Variants in DPY19L3 observed in about 807,000 individuals in gnomAD.
The protein encoded by DPY19L3 is protein C-mannosyl-transferase DPY19L3.
A neutral mutation model predicts 92.3 loss-of-function variants in DPY19L3; 51 were observed. That is an observed-to-expected ratio of 0.55 (90% CI 0.44 to 0.70). The LOEUF is 0.70. Ranked by LOEUF, DPY19L3 falls within the 30% of genes least tolerant of loss-of-function variation. DPY19L3 has a pLI of 0.00. For missense variants in DPY19L3, 706 were observed against 855.9 expected (o/e 0.82, Z 2.18); for synonymous variants, 309 against 315.2 (o/e 0.98, Z 0.21).
chr19:32,456,499 C>T (rs185802543), intron 10 of DPY19L3, among the ~76,000 whole-genome samples: 9 of 151,642 alleles, frequency 5.9e-5, no homozygotes, highest in Admixed American at 2.0e-4. Context: ...TACAGTGGCA[C>T]GATCTTGGCT....
At chr19:32,429,259 A>G (rs554232795) in intron 3 of DPY19L3, among the ~76,000 whole-genome samples, 1 of 152,338 alleles carries the variant, frequency 6.6e-6, no homozygotes, top group Admixed American at 6.5e-5. Flanking sequence ...AACCTGTGCA[A>G]ATTGAATATG....
intron 3 of DPY19L3, among the ~76,000 whole-genome samples, chr19:32,430,742 A>G (rs577212011): frequency 1.5e-3 from 223 of 150,292 alleles, no homozygotes; most frequent in African/African-American, 5.4e-3. Flanking sequence ...CCCCTTCCTC[A>G]ACCTCCCCAG....
rs1281567149 is a variant in DPY19L3, at chr19:32,441,653, A to AC, written c.855+1744dup. ...GCTGGGAATACAGGTGCATGCCACCACACCCGGCTAATATTTGTATTTTTA... is the reference window on the plus strand; with the variant it reads ...GCTGGGAATACAGGTGCATGCCACCACCACCCGGCTAATATTTGTATTTTTA... On this transcript the variant is annotated intron_variant, in intron 8 of 18. Transcript: ENST00000392250. Among the ~76,000 whole-genome samples the AC allele has an allele frequency of 3.3e-5, 5 of 152,058 alleles. No homozygotes were observed. The East Asian group carries it at 9.6e-4, about 29-fold the overall frequency.
At chr19:32,481,211 A>G (rs1206609124) in intron 18 of DPY19L3, 2 of 157,738 alleles carry the variant, frequency 1.3e-5, no homozygotes, top group Admixed American at 6.5e-5. Flanking sequence ...ATGAAAGCCA[A>G]TAGATATTTG....
chr19:32,424,961 G>A (rs1439368662), intron 3 of DPY19L3, among the ~76,000 whole-genome samples: 1 of 152,144 alleles, frequency 6.6e-6, no homozygotes, highest in Non-Finnish European at 1.5e-5. Flanking sequence ...AGGGCACCAG[G>A]AAGGACAGTT....
chr19:32,480,742 C>A, intron 18 of DPY19L3, 185 bp downstream of exon 18: 1 of 817,390 alleles, frequency 1.2e-6, no homozygotes, highest in Non-Finnish European at 1.9e-6. Flanking sequence ...GCCACCGGGG[C>A]TGGGCAAGGG....
At chr19:32,470,157 A>G (rs961896128) in intron 16 of DPY19L3, among the ~76,000 whole-genome samples, 12 of 152,232 alleles carry the variant, frequency 7.9e-5, no homozygotes, top group Non-Finnish European at 1.3e-4. Context: ...AATTTTTCAC[A>G]TATTTCTGGT....
At chr19:32,418,547 A>G (rs956609466) in intron 3 of DPY19L3, among the ~76,000 whole-genome samples, 12 of 152,202 alleles carry the variant, frequency 7.9e-5, no homozygotes, top group African/African-American at 2.7e-4. Flanking sequence ...GTAAATAAAC[A>G]ATTAGAAATT....
At position 32,451,821 on chromosome 19, in the gene DPY19L3, TCCTCCCCACCCACG is replaced by T. The variant is rs1969709471; in HGVS notation, c.856-1314_856-1301del. Among the ~76,000 whole-genome samples, 13 of 152,244 alleles carry T rather than the reference TCCTCCCCACCCACG, an allele frequency of 8.5e-5. No homozygotes were observed. The South Asian group carries it at 2.7e-3, about 32-fold the overall frequency. ...TAGTGCTCATTATGTGCCAGGCATTTCCTCCCCACCCACGCCTCCCCACTTTTTTTAGAGACCAG... is the reference window on the plus strand; with the variant it reads ...TAGTGCTCATTATGTGCCAGGCATTTCCTCCCCACTTTTTTTAGAGACCAG... On this transcript the variant is annotated intron_variant, in intron 8 of 18. Coordinates refer to ENST00000392250, the MANE Select transcript of DPY19L3 (RefSeq NM_001172774.2).
intron 2 of DPY19L3, 114 bp downstream of exon 2, chr19:32,408,470 A>G: frequency 3.0e-6 from 2 of 676,746 alleles, no homozygotes; most frequent in Non-Finnish European, 2.6e-6. Flanking sequence ...AACTTGTTGT[A>G]GTACCCTGAT....
At chr19:32,408,423 C>T (rs1447284569) in intron 2 of DPY19L3, 67 bp downstream of exon 2, 2 of 1,178,714 alleles carry the variant, frequency 1.7e-6, no homozygotes, top group East Asian at 4.9e-5. Context: ...ATGTCACTCT[C>T]CAATAGGATA....
chr19:32,463,458 T>C lies in DPY19L3; in HGVS notation c.1415T>C (p.Leu472Pro). Residue 472 changes from leucine (L) to proline (P), a missense_variant, in exon 13 of 19, where the codon CTG becomes CCG. Coordinates refer to ENST00000392250, the MANE Select transcript of DPY19L3 (RefSeq NM_001172774.2). Reference protein sequence around the residue: ...ETAYNLIHTILFGFLALSTMR... With the variant: ...ETAYNLIHTIPFGFLALSTMR... Reference sequence around the variant, plus strand: ...GCCTACAACTTAATACATACCATTCTGTTTGGATTCTTGGCATTGAGTACA... The same window carrying C: ...GCCTACAACTTAATACATACCATTCCGTTTGGATTCTTGGCATTGAGTACA... 6.2e-7 allele frequency: 1 copy of C among 1,613,424 alleles called. No homozygotes were observed. Among genetic ancestry groups the C allele is most frequent in the Non-Finnish European group, 8.5e-7 (1 of 1,179,686 alleles).
intron 17 of DPY19L3, among the ~76,000 whole-genome samples, chr19:32,477,967 C>T (rs1392437271): frequency 6.6e-6 from 1 of 152,118 alleles, no homozygotes. Context: ...GGAAACTCCC[C>T]CTTATAAAAC....
chr19:32,437,616 A>G (rs960232540), intron 6 of DPY19L3, among the ~76,000 whole-genome samples: 1 of 152,176 alleles, frequency 6.6e-6, no homozygotes, highest in African/African-American at 2.4e-5. Flanking sequence ...TGGGTGATCA[A>G]GATTTCTCCA....
rs1970701405 is a variant in DPY19L3, at chr19:32,482,395, G to A, written c.*155G>A. 1.3e-6 allele frequency: 1 copy of A among 785,768 alleles called. No individual in the cohort carries two copies. The highest frequency in any genetic ancestry group is 3.0e-5 in the Admixed American group (1 of 32,794). The allele number at this position is 785,768 out of a possible 1,614,324, so 48.7% of individuals were successfully genotyped here. Reference sequence around the variant, plus strand: ...TGTTTACACAAGTGTTGCCATCTTTGAAAGCATCTTCTACAAGCAGAAGTC... The same window carrying A: ...TGTTTACACAAGTGTTGCCATCTTTAAAAGCATCTTCTACAAGCAGAAGTC... On this transcript the variant is annotated 3_prime_UTR_variant, in exon 19 of 19. Coordinates refer to ENST00000392250, the MANE Select transcript of DPY19L3 (RefSeq NM_001172774.2).
chr19:32,439,741 G>A (rs1385937967), intron 7 of DPY19L3, 35 bp from the exon 8 acceptor site: 1 of 1,602,464 alleles, frequency 6.2e-7, no homozygotes, highest in Non-Finnish European at 8.5e-7. Flanking sequence ...TATTACTAGA[G>A]ACATGTAAAT....
chr19:32,459,223 A>C (rs554455350), intron 12 of DPY19L3, among the ~76,000 whole-genome samples: 8 of 152,346 alleles, frequency 5.3e-5, no homozygotes, highest in Admixed American at 4.6e-4. Context: ...ACTTGTAAGA[A>C]TATCTACCCA....
At chr19:32,481,889 G>A (rs1158561112) in intron 18 of DPY19L3, 190 bp from the exon 19 acceptor site, 1 of 619,310 alleles carries the variant, frequency 1.6e-6, no homozygotes, top group African/African-American at 1.8e-5. Flanking sequence ...CTCCTTCTCA[G>A]CCTTGGTCTG....
intron 7 of DPY19L3, 91 bp downstream of exon 7, chr19:32,439,326 G>A: frequency 7.3e-7 from 1 of 1,363,742 alleles, no homozygotes; most frequent in Non-Finnish European, 1.0e-6. Flanking sequence ...CCCAATGCAT[G>A]TGAATAGTTC....
Sources: gnomAD v4.1 joint callset for allele counts (sites outside exome capture counted in the v4.1 genomes callset) on GRCh38, gnomAD v4.1.1 for gene constraint, MANE v1.5 for transcripts, NCBI Gene and HGNC (gene_info 2026-07-23, HGNC 2026-07-21) for gene names.